ENOX1: variants seen among roughly 807,000 people sequenced by gnomAD.
ENOX1 encodes the protein candidate growth-related and time keeping constitutive hydroquinone (NADH) oxidase.
In ENOX1, 42 loss-of-function variants were observed where a neutral mutation model predicts 82.5. The ratio of observed to expected loss-of-function variants is 0.51; its 90% CI spans 0.40 to 0.66. ENOX1 has a LOEUF of 0.66. Among genes scored for constraint, ENOX1 ranks in the 30% least tolerant of loss-of-function variants. The pLI is 0.00. For synonymous variants in ENOX1, 271 were observed against 282.2 expected (o/e 0.96, Z 0.40); for missense variants, 608 against 811.6 (o/e 0.75, Z 3.05).
chr13:43,409,058 AT>A lies in ENOX1; in HGVS notation c.208+2857del, dbSNP rs1158036973. On this transcript the variant is annotated intron_variant, in intron 5 of 16. Coordinates refer to ENST00000690772, the MANE Select transcript of ENOX1 (RefSeq NM_001347969.2). ...TATAAACCAAAAAAAAAAAAAAAAAATTACCAGGAACCCTATTTGATAAATG... is the reference window on the plus strand; with the variant it reads ...TATAAACCAAAAAAAAAAAAAAAAAATACCAGGAACCCTATTTGATAAATG... Among the ~76,000 whole-genome samples, 24 of 150,042 alleles carry A rather than the reference AT, an allele frequency of 1.6e-4. 1 individual carries two copies. In the Middle Eastern group the frequency reaches 0.01, roughly 65 times the overall value.
intron 11 of ENOX1, among the ~76,000 whole-genome samples, chr13:43,305,127 C>G (rs1033828753): frequency 6.6e-6 from 1 of 152,146 alleles, no homozygotes; most frequent in Non-Finnish European, 1.5e-5. Context: ...CTGTTGCCAT[C>G]AGTGCCTCCC....
intron 3 of ENOX1, among the ~76,000 whole-genome samples, chr13:43,457,920 T>C (rs2057303173): frequency 6.6e-6 from 1 of 152,182 alleles, no homozygotes; most frequent in Non-Finnish European, 1.5e-5. Context: ...AGAATATATG[T>C]GTATATGTAT....
At chr13:43,244,138 C>G (rs1213484479) in intron 14 of ENOX1, among the ~76,000 whole-genome samples, 2 of 150,424 alleles carry the variant, frequency 1.3e-5, no homozygotes, top group African/African-American at 4.9e-5. Flanking sequence ...TATTTACATA[C>G]TAGATAACTT....
intron 2 of ENOX1, among the ~76,000 whole-genome samples, chr13:43,651,695 T>TAAAAAAAAAAAAAAAA (rs57810969): frequency 1.1e-4 from 11 of 96,952 alleles, no homozygotes; most frequent in South Asian, 3.4e-4. Flanking sequence ...AGACTCTGTC[T>TAAAAAAAAAAAAAAAA]AAAAAAAAAA....
At chr13:43,395,903 T>C (rs1484224861) in intron 5 of ENOX1, among the ~76,000 whole-genome samples, 5 of 152,228 alleles carry the variant, frequency 3.3e-5, no homozygotes, top group Non-Finnish European at 2.9e-5. Flanking sequence ...CCTGCTCATA[T>C]TTCCACAAAG....
intron 12 of ENOX1, among the ~76,000 whole-genome samples, chr13:43,289,653 AC>A (rs1280306251): frequency 6.6e-6 from 1 of 152,206 alleles, no homozygotes; most frequent in Non-Finnish European, 1.5e-5. Context: ...TCTCTTCTCG[AC>A]TTTGGCATTG....
intron 2 of ENOX1, among the ~76,000 whole-genome samples, chr13:43,596,321 G>C (rs2081471760): frequency 6.6e-6 from 1 of 152,092 alleles, no homozygotes; most frequent in Non-Finnish European, 1.5e-5. Flanking sequence ...ACCACCACAG[G>C]CCTTCCATTT....
At chr13:43,607,392 G>C (rs2082022761) in intron 2 of ENOX1, among the ~76,000 whole-genome samples, 1 of 152,076 alleles carries the variant, frequency 6.6e-6, no homozygotes, top group African/African-American at 2.4e-5. Flanking sequence ...TATACCCTAA[G>C]TAATTTATTT....
intron 2 of ENOX1, among the ~76,000 whole-genome samples, chr13:43,643,092 T>C (rs570338395): frequency 6.6e-6 from 1 of 152,220 alleles, no homozygotes; most frequent in Non-Finnish European, 1.5e-5. Flanking sequence ...GAAAAATTGT[T>C]ATTGATTTAC....
chr13:43,258,230 G>T (rs145850262), intron 14 of ENOX1, among the ~76,000 whole-genome samples: 2 of 152,314 alleles, frequency 1.3e-5, no homozygotes, highest in East Asian at 3.9e-4. Flanking sequence ...CTTCCTTGGA[G>T]CTCTGTACAT....
At chr13:43,685,981 G>A (rs1453153440) in intron 1 of ENOX1, among the ~76,000 whole-genome samples, 1 of 151,706 alleles carries the variant, frequency 6.6e-6, no homozygotes, top group Non-Finnish European at 1.5e-5. Flanking sequence ...AGCAACCAAG[G>A]AGTCAAAAGT....
chr13:43,552,486 C>T (rs1226120440), intron 2 of ENOX1, among the ~76,000 whole-genome samples: 4 of 152,200 alleles, frequency 2.6e-5, no homozygotes, highest in African/African-American at 9.6e-5. Context: ...AGAAACCTTG[C>T]TGGTTAAATA....
At chr13:43,682,908 G>A (rs981511878) in intron 1 of ENOX1, among the ~76,000 whole-genome samples, 2 of 152,160 alleles carry the variant, frequency 1.3e-5, no homozygotes, top group South Asian at 2.1e-4. Flanking sequence ...TATGTGTTCC[G>A]CTTAGGGCCT....
At chr13:43,765,666 A>G (rs1461008036) in intron 1 of ENOX1, among the ~76,000 whole-genome samples, 1 of 152,162 alleles carries the variant, frequency 6.6e-6, no homozygotes, top group Non-Finnish European at 1.5e-5. Context: ...AGCACTCAGT[A>G]AACACTTACG....
intron 3 of ENOX1, among the ~76,000 whole-genome samples, chr13:43,452,290 G>A (rs890301292): frequency 2.6e-5 from 4 of 151,954 alleles, no homozygotes; most frequent in Admixed American, 2.0e-4. Context: ...CCCCTTGACG[G>A]GCCCTGGTGT....
intron 2 of ENOX1, among the ~76,000 whole-genome samples, chr13:43,600,990 T>C (rs1403725308): frequency 6.6e-6 from 1 of 152,146 alleles, no homozygotes; most frequent in Admixed American, 6.5e-5. Context: ...CTAATGCAGA[T>C]ATGGCTGCAA....
chr13:43,308,149 A>T (rs59307669), intron 11 of ENOX1, among the ~76,000 whole-genome samples: 1 of 1,198 alleles, frequency 8.3e-4, no homozygotes, highest in South Asian at 0.25. Context: ...CACCCTCCAC[A>T]CTTTGCCCTC....
At position 43,287,010 on chromosome 13, in the gene ENOX1, G is replaced by T; in HGVS notation, c.1446+11336C>A. On this transcript the variant is annotated intron_variant, in intron 12 of 16. Transcript: ENST00000690772. ...AGGGTACACTCTGGAAAGCCATGGT[G>T]TGGGGTTATAGAGGGAACACAGGGG... 1.3e-5 allele frequency among the ~76,000 whole-genome samples: 2 copies of T among 152,168 alleles called. 1 individual carries two copies. The highest frequency in any genetic ancestry group is 2.9e-5 in the Non-Finnish European group (2 of 68,038).
chr13:43,285,858 CTTCTTTG>C (rs1418724874), intron 12 of ENOX1, among the ~76,000 whole-genome samples: 1 of 132,858 alleles, frequency 7.5e-6, no homozygotes, highest in African/African-American at 2.7e-5. Context: ...CTTCTTCTTT[CTTCTTTG>C]TTCCAATGCT....
Sources: allele counts gnomAD v4.1 joint callset (sites outside exome capture counted in the v4.1 genomes callset), GRCh38; gene constraint gnomAD v4.1.1; transcripts MANE v1.5; gene names NCBI Gene and HGNC (gene_info 2026-07-23, HGNC 2026-07-21).